The following MAPK7 variants were observed in gnomAD, a reference collection of about 807,000 sequenced individuals.
The protein encoded by MAPK7 is BMK-1.
In MAPK7, 30 loss-of-function variants were observed where a neutral mutation model predicts 56.9. The observed-to-expected ratio is 0.53, with a 90% CI of 0.39 to 0.72. The LOEUF (loss-of-function observed/expected upper bound fraction) is 0.72. Ranked by LOEUF, MAPK7 falls within the 30% of genes least tolerant of loss-of-function variation. The pLI is 0.00. For synonymous variants in MAPK7, 516 were observed against 449.3 expected, an observed-to-expected ratio of 1.15 and a Z score of -1.88; for missense variants, 952 against 1,110.8, an observed-to-expected ratio of 0.86 and a Z score of 2.03.
rs1343557563 is a variant in MAPK7, at chr17:19,379,152, G to C, written c.232+20G>C. 1.9e-6 allele frequency: 3 copies of C among 1,604,702 alleles called. No homozygotes were observed. In the African/African-American group the frequency reaches 4.0e-5, roughly 21 times the overall value. On this transcript the variant is annotated intron_variant, in intron 2 of 6. Coordinates refer to ENST00000395604, the MANE Select transcript of MAPK7 (RefSeq NM_002749.4). ...TCACCGGTGAGCTTCCTGAGCCGTCGCCTCCCAGATGTGGCAGCGTCGCAG... is the reference window on the plus strand; with the variant it reads ...TCACCGGTGAGCTTCCTGAGCCGTCCCCTCCCAGATGTGGCAGCGTCGCAG...
intron 5 of MAPK7, 58 bp from the exon 6 acceptor site, chr17:19,382,755 G>A: frequency 6.3e-7 from 1 of 1,592,656 alleles, no homozygotes; most frequent in Non-Finnish European, 8.6e-7. Context: ...AGCAGCATTG[G>A]GACAGGGTGG....
chr17:19,382,272 A>G lies in MAPK7; in HGVS notation c.1969A>G (p.Ile657Val). ...CATCCCTGTCCCCGCGCCACCCCAGATTGCCACCTCCACCAGCCTCCTGGC... is the reference window on the plus strand; with the variant it reads ...CATCCCTGTCCCCGCGCCACCCCAGGTTGCCACCTCCACCAGCCTCCTGGC... ...GPIPVPAPPQ[I>V]ATSTSLLAAQ... The change falls in exon 5 of 7, where the codon ATT becomes GTT. Residue 657 changes from isoleucine (I) to valine (V), a missense_variant. This residue lies in a region of MAPK7 where 234 missense variants were observed against 210.4 expected (regional missense o/e 1.11). Coordinates refer to ENST00000395604, the MANE Select transcript of MAPK7 (RefSeq NM_002749.4). The G allele has an allele frequency of 3.1e-6, 5 of 1,610,776 alleles. No individual in the cohort carries two copies. Among genetic ancestry groups the G allele is most frequent in the Non-Finnish European group, 3.4e-6 (4 of 1,179,386 alleles).
In MAPK7 at chr17:19,379,941, A is replaced by T; in HGVS notation, c.392A>T (p.Lys131Ile). 6.2e-7 allele frequency: 1 copy of T among 1,613,618 alleles called. No homozygotes were observed. The highest frequency in any genetic ancestry group is 2.2e-5 in the East Asian group (1 of 44,880). Residue 131 changes from lysine (K) to isoleucine (I), a missense_variant, in exon 3 of 7, where the codon AAA becomes ATA. This residue lies in a region of MAPK7 where 213 missense variants were observed against 243.2 expected (regional missense o/e 0.88). Coordinates refer to ENST00000395604, the MANE Select transcript of MAPK7 (RefSeq NM_002749.4). ...LRPTVPYGEFKSVYVVLDLME... is the reference protein window; with the variant it reads ...LRPTVPYGEFISVYVVLDLME... ...CCCACCGTGCCCTATGGCGAATTCA[A>T]ATCTGTGTAAGAAGCGGGATGGGAG...
chr17:19,383,383 C>A lies in MAPK7; in HGVS notation c.*152C>A. On this transcript the variant is annotated 3_prime_UTR_variant, in exon 7 of 7. Coordinates refer to ENST00000395604, the MANE Select transcript of MAPK7 (RefSeq NM_002749.4). ...AGACCCACCTTTCAGCCTTAAGCAGCCACCTGAGCCACCACCGAGCCATGG... is the reference window on the plus strand; with the variant it reads ...AGACCCACCTTTCAGCCTTAAGCAGACACCTGAGCCACCACCGAGCCATGG... The A allele has an allele frequency of 1.4e-6, 1 of 699,758 alleles. No individual in the cohort carries two copies. Among genetic ancestry groups the A allele is most frequent in the Non-Finnish European group, 2.3e-6 (1 of 440,398 alleles). The allele number at this position is 699,758 out of a possible 1,614,324, so 43.3% of individuals were successfully genotyped here.
rs184241833 is a variant in MAPK7, at chr17:19,382,388, C to T, written c.2085C>T (p.Asp695=). The T allele has an allele frequency of 4.3e-5, 69 of 1,613,368 alleles. No individual in the cohort carries two copies. The highest frequency in any genetic ancestry group is 5.5e-5 in the South Asian group (5 of 91,012). Reference sequence around the variant, plus strand: ...TCCCACCTGGCCTGCCGCCCCCAGACGCCGGGGGAGCCCCTCAGTCTTCCA... The same window carrying T: ...TCCCACCTGGCCTGCCGCCCCCAGATGCCGGGGGAGCCCCTCAGTCTTCCA... The part of the protein sequence containing the change: ...PYFPPGLPPP[D]AGGAPQSSMS... The change falls in exon 5 of 7, where the codon GAC becomes GAT. Residue 695 remains aspartate (D), a synonymous_variant. Transcript: ENST00000395604.
upstream of MAPK7, chr17:19,378,193 T>A (rs566106821): frequency 4.6e-4 from 453 of 984,468 alleles, 7 homozygotes; most frequent in South Asian, 0.018. The surrounding 1 kb of genome is among the most constrained non-coding windows in gnomAD (Gnocchi z 5.4). Context: ...GAGAGCTTCA[T>A]GGGGACGCGC....
intron 3 of MAPK7, 139 bp downstream of exon 3, chr17:19,380,086 T>G: frequency 1.1e-6 from 1 of 925,686 alleles, no homozygotes; most frequent in African/African-American, 1.7e-5. Context: ...GACCAGTTCT[T>G]TAGAGTTTTG....
chr17:19,381,793 C>T lies in MAPK7; in HGVS notation c.1490C>T (p.Ala497Val), dbSNP rs192160574. ...LRSRLRDGPS[A>V]PLEAPEPRKP... ...AACTTCCCCGCAGATGGCCCCAGCG[C>T]ACCCCTGGAGGCTCCTGAGCCTCGG... The change falls in exon 5 of 7, where the codon GCA becomes GTA. Residue 497 changes from alanine to valine, a missense_variant. Physicochemically the swap from Ala to Val is moderately conservative, Grantham distance 64. This residue lies in a region of MAPK7 where 429 missense variants were observed against 533.0 expected (regional missense o/e 0.80). Coordinates refer to ENST00000395604, the MANE Select transcript of MAPK7 (RefSeq NM_002749.4). The surrounding 1 kb of genome is among the most constrained non-coding windows in gnomAD (Gnocchi z 4.6). The T allele has an allele frequency of 3.4e-4, 527 of 1,546,460 alleles. No homozygotes were observed. The highest frequency in any genetic ancestry group is 7.0e-4 in the Admixed American group (35 of 49,698).
intron 6 of MAPK7, 62 bp from the exon 7 acceptor site, chr17:19,383,016 C>T (rs1206606047): frequency 5.6e-6 from 9 of 1,612,076 alleles, no homozygotes; most frequent in Non-Finnish European, 7.6e-6. Flanking sequence ...AGACATGCAC[C>T]TGTGGGATGG....
In MAPK7 at chr17:19,378,847, A is replaced by C; in HGVS notation, c.-5-49A>C. On this transcript the variant is annotated intron_variant, in intron 1 of 6. Transcript: ENST00000395604. The surrounding 1 kb of genome is among the most constrained non-coding windows in gnomAD (Gnocchi z 5.4). ...CTGCTCCCCAGCCCGCAGAGGGGACACTGAGGCCCACGGTAGGTGGTCCTC... is the reference window on the plus strand; with the variant it reads ...CTGCTCCCCAGCCCGCAGAGGGGACCCTGAGGCCCACGGTAGGTGGTCCTC... The C allele has an allele frequency of 1.4e-6, 2 of 1,458,400 alleles. No individual in the cohort carries two copies. Among genetic ancestry groups the C allele is most frequent in the Non-Finnish European group, 1.9e-6 (2 of 1,070,774 alleles). 90.3% of individuals were successfully genotyped at this position (1,458,400 alleles called of 1,614,324 possible).
At chr17:19,379,605 G>T (rs974354387) in intron 2 of MAPK7, 177 bp from the exon 3 acceptor site, 2 of 615,614 alleles carry the variant, frequency 3.2e-6, no homozygotes, top group East Asian at 2.8e-5. Flanking sequence ...GAGTTGTGAA[G>T]GTAACATTTA....
chr17:19,379,328 C>T (rs1186851794), intron 2 of MAPK7, 196 bp downstream of exon 2: 1 of 606,910 alleles, frequency 1.6e-6, no homozygotes, highest in Non-Finnish European at 2.9e-6. Flanking sequence ...GTTTTGCCAT[C>T]CTGCCTGCCT....
chr17:19,383,001 G>T, intron 6 of MAPK7, 55 bp downstream of exon 6: 1 of 1,612,940 alleles, frequency 6.2e-7, no homozygotes, highest in Non-Finnish European at 8.5e-7. Flanking sequence ...GGTTCCTGGT[G>T]CAGGAGACAT....
At position 19,378,529 on chromosome 17, in the gene MAPK7, C is replaced by T; in HGVS notation, c.-107C>T. The T allele has an allele frequency of 1.6e-5, 18 of 1,124,380 alleles. No individual in the cohort carries two copies. The highest frequency in any genetic ancestry group is 1.9e-5 in the Non-Finnish European group (17 of 913,390). 69.7% of individuals were successfully genotyped at this position (1,124,380 alleles called of 1,614,324 possible). On this transcript the variant is annotated 5_prime_UTR_variant, in exon 1 of 7. Transcript: ENST00000395604. The surrounding 1 kb of genome is among the most constrained non-coding windows in gnomAD (Gnocchi z 5.4). ...GCTCAAGACGCTGAGGTGGTGGCTG[C>T]GGCCTTTGAACAAGTAAGTGAGCCA...
rs1295332 is a variant in MAPK7 at position 19,379,801 on chromosome 17, G to A, written c.252G>A (p.Lys84=). 1 of 1,614,026 alleles carries A rather than the reference G, an allele frequency of 6.2e-7. No individual in the cohort carries two copies. Among genetic ancestry groups the A allele is most frequent in the Admixed American group, 1.7e-5 (1 of 60,002 alleles). ...CCTCAGGCCAGCAGGTGGCCATCAAGAAGATCCCTAATGCTTTCGATGTGG... is the reference window on the plus strand; with the variant it reads ...CCTCAGGCCAGCAGGTGGCCATCAAAAAGATCCCTAATGCTTTCGATGTGG... ...RRLTGQQVAI[K]KIPNAFDVVT... The change falls in exon 3 of 7, where the codon AAG becomes AAA. Residue 84 remains lysine, a synonymous_variant. Coordinates refer to ENST00000395604, the MANE Select transcript of MAPK7 (RefSeq NM_002749.4).
In MAPK7 at chr17:19,381,839, G is replaced by A. The variant is rs934245830; in HGVS notation, c.1536G>A (p.Glu512=). The change falls in exon 5 of 7, where the codon GAG becomes GAA. Residue 512 remains glutamate (E), a synonymous_variant. Coordinates refer to ENST00000395604, the MANE Select transcript of MAPK7 (RefSeq NM_002749.4). The surrounding 1 kb of genome is among the most constrained non-coding windows in gnomAD (Gnocchi z 4.6). ...PEPRKPVTAQ[E]RQREREEKRR... is the part of the protein sequence containing the mutation. ...CTCGGAAGCCGGTGACAGCCCAGGAGCGCCAGCGGGAGCGGGAGGAGAAGC... is the reference window on the plus strand; with the variant it reads ...CTCGGAAGCCGGTGACAGCCCAGGAACGCCAGCGGGAGCGGGAGGAGAAGC... 2.5e-6 allele frequency: 4 copies of A among 1,586,198 alleles called. No homozygotes were observed. Among genetic ancestry groups the A allele is most frequent in the Non-Finnish European group, 3.4e-6 (4 of 1,166,312 alleles).
In MAPK7 at chr17:19,378,520, T is replaced by A; in HGVS notation, c.-116T>A. On this transcript the variant is annotated 5_prime_UTR_variant, in exon 1 of 7. Transcript: ENST00000395604. This position sits in a 1 kb window ranked among gnomAD's most constrained non-coding sequence, Gnocchi z 5.4. ...GACAGGGCAGCTCAAGACGCTGAGGTGGTGGCTGCGGCCTTTGAACAAGTA... is the reference window on the plus strand; with the variant it reads ...GACAGGGCAGCTCAAGACGCTGAGGAGGTGGCTGCGGCCTTTGAACAAGTA... The A allele has an allele frequency of 9.0e-7, 1 of 1,107,034 alleles. No individual in the cohort carries two copies. Among genetic ancestry groups the A allele is most frequent in the Non-Finnish European group, 1.1e-6 (1 of 902,504 alleles). The allele number at this position is 1,107,034 out of a possible 1,614,324, so 68.6% of individuals were successfully genotyped here.
rs1022307946 is a variant in MAPK7 at position 19,378,945 on chromosome 17, G to A, written c.45G>A (p.Ala15=). ...AGGAAGACGGCGAGGACGGCTCTGC[G>A]GAGCCCCCCGGGCCCGTGAAGGCCG... ...LKEEDGEDGS[A]EPPGPVKAEP... Residue 15 remains alanine, a synonymous_variant, in exon 2 of 7, where the codon GCG becomes GCA. Coordinates refer to ENST00000395604, the MANE Select transcript of MAPK7 (RefSeq NM_002749.4). The surrounding 1 kb of genome is among the most constrained non-coding windows in gnomAD (Gnocchi z 5.4). 1.3e-6 allele frequency: 2 copies of A among 1,596,252 alleles called. No individual in the cohort carries two copies. Among genetic ancestry groups the A allele is most frequent in the Non-Finnish European group, 8.5e-7 (1 of 1,171,232 alleles).
rs753795731 is a variant in MAPK7, at chr17:19,382,319, C to A, written c.2016C>A (p.Pro672=). The part of the protein sequence containing the change: ...SLLAAQSLVP[P]PGLPGSSTPG... The stretch of plus-strand genomic sequence containing the variant: ...TGGCTGCCCAGTCACTTGTGCCACC[C>A]CCTGGGCTGCCTGGCTCCAGCACCC... The change falls in exon 5 of 7, where the codon CCC becomes CCA. Residue 672 remains proline (P), a synonymous_variant. Transcript: ENST00000395604. 58 of 1,613,226 alleles carry A rather than the reference C, an allele frequency of 3.6e-5. No individual in the cohort carries two copies. Among genetic ancestry groups the A allele is most frequent in the Non-Finnish European group, 4.8e-5 (57 of 1,180,016 alleles).
Sources: allele counts gnomAD v4.1 joint callset, GRCh38; gene constraint gnomAD v4.1.1; regional missense constraint gnomAD v4.1.1; non-coding constraint Gnocchi (gnomAD v3.1); transcripts MANE v1.5; gene names NCBI Gene and HGNC (gene_info 2026-07-23, HGNC 2026-07-21).